ZNF438: variants seen among roughly 807,000 people sequenced by gnomAD.
ZNF438 encodes zinc finger protein 438.
Under a neutral mutation model 38.0 loss-of-function variants are expected in ZNF438, and 25 were observed. The observed-to-expected ratio is 0.66, with a 90% CI of 0.48 to 0.92. ZNF438 has a LOEUF of 0.92. Ranked by LOEUF, ZNF438 falls within the 40% of genes least tolerant of loss-of-function variation. The probability of loss-of-function intolerance (pLI) is 0.00; values close to 1 mark genes in which losing one functional copy is unlikely to be tolerated. For missense variants in ZNF438, 1,007 were observed against 999.6 expected (o/e 1.01, Z -0.10); for synonymous variants, 372 against 364.1 (o/e 1.02, Z -0.25).
At chr10:30,907,061 G>A (rs2042652610) in intron 3 of ZNF438, among the ~76,000 whole-genome samples, 1 of 152,156 alleles carries the variant, frequency 6.6e-6, no homozygotes, top group African/African-American at 2.4e-5. Context: ...TGCAACCTCC[G>A]TCTCCTGGGT....
At chr10:30,930,825 A>AAAAAAAAAAAAAAAAAAAAAAAAAC (rs2045592210) in intron 2 of ZNF438, among the ~76,000 whole-genome samples, 1 of 117,756 alleles carries the variant, frequency 8.5e-6, no homozygotes, top group Non-Finnish European at 1.8e-5. Flanking sequence ...AAAAAAAAAA[A>AAAAAAAAAAAAAAAAAAAAAAAAAC]AAAAAAAAAG....
chr10:31,031,001 C>A (rs2057256671), intron 1 of ZNF438, among the ~76,000 whole-genome samples: 1 of 152,212 alleles, frequency 6.6e-6, no homozygotes, highest in African/African-American at 2.4e-5. Flanking sequence ...ATTGTAATTG[C>A]CAAGAGTACC....
intron 1 of ZNF438, among the ~76,000 whole-genome samples, chr10:30,991,612 A>G (rs2053507995): frequency 6.6e-6 from 1 of 152,230 alleles, no homozygotes; most frequent in Non-Finnish European, 1.5e-5. Flanking sequence ...GACTGGAGAC[A>G]GCAGCCCTTA....
chr10:31,031,370 A>C (rs1335234585), intron 1 of ZNF438, among the ~76,000 whole-genome samples: 2 of 152,144 alleles, frequency 1.3e-5, no homozygotes, highest in African/African-American at 4.8e-5. Flanking sequence ...TTATCTTATA[A>C]ATGTGTCCAC....
intron 1 of ZNF438, among the ~76,000 whole-genome samples, chr10:31,007,842 T>A (rs1311049979): frequency 6.6e-6 from 1 of 152,118 alleles, no homozygotes; most frequent in Non-Finnish European, 1.5e-5. Flanking sequence ...GTTCTAGAAT[T>A]TACTCAATGC....
At chr10:30,851,163 G>A (rs1033664269) in intron 4 of ZNF438, among the ~76,000 whole-genome samples, 4 of 152,220 alleles carry the variant, frequency 2.6e-5, no homozygotes, top group Non-Finnish European at 4.4e-5. Context: ...GAGACAACAT[G>A]CAAAATATGT....
intron 4 of ZNF438, among the ~76,000 whole-genome samples, chr10:30,871,397 A>G (rs2037384935): frequency 6.6e-6 from 1 of 152,248 alleles, no homozygotes; most frequent in Non-Finnish European, 1.5e-5. Flanking sequence ...GAGAGTTTAA[A>G]GCATTTTATA....
chr10:30,976,178 A>G (rs1040189888), intron 1 of ZNF438, among the ~76,000 whole-genome samples: 1 of 152,218 alleles, frequency 6.6e-6, no homozygotes, highest in East Asian at 1.9e-4. Context: ...ACACAATGAA[A>G]ACAAGGAAGA....
intron 4 of ZNF438, among the ~76,000 whole-genome samples, chr10:30,852,140 G>GC (rs1046552366): frequency 4.0e-5 from 6 of 151,862 alleles, no homozygotes; most frequent in African/African-American, 1.5e-4. Flanking sequence ...TCCAGCCTGG[G>GC]CAACAGTCTG....
chr10:30,989,641 G>A (rs755681796), intron 1 of ZNF438, among the ~76,000 whole-genome samples: 1 of 152,180 alleles, frequency 6.6e-6, no homozygotes. Context: ...AAGGGGGCGA[G>A]AATGTATGCA....
intron 1 of ZNF438, among the ~76,000 whole-genome samples, chr10:31,004,074 T>G (rs1003171914): frequency 6.6e-6 from 1 of 152,162 alleles, no homozygotes; most frequent in Admixed American, 6.5e-5. Flanking sequence ...GGTGATTTTA[T>G]GCACCCAGGA....
chr10:30,882,125 C>T (rs201836631), intron 3 of ZNF438, among the ~76,000 whole-genome samples: 4 of 150,988 alleles, frequency 2.6e-5, no homozygotes, highest in Non-Finnish European at 5.9e-5. Context: ...AATGAAAAGA[C>T]GAGCCATAAA....
At position 30,845,582 on chromosome 10, in the gene ZNF438, G is replaced by A. The variant is rs748317867; in HGVS notation, c.1875-9C>T. 6.2e-7 allele frequency: 1 copy of A among 1,601,056 alleles called. No homozygotes were observed. Among genetic ancestry groups the A allele is most frequent in the African/African-American group, 1.3e-5 (1 of 74,276 alleles). On this transcript the variant is annotated splice_polypyrimidine_tract_variant and intron_variant, in intron 5 of 5. Coordinates refer to ENST00000413025, the Ensembl canonical transcript of ZNF438. The stretch of plus-strand genomic sequence containing the variant: ...GGTTGGACTTGTTTTCCCTGAAAAG[G>A]CCAATAATAATGAAGATAAGATTTC...
At chr10:30,869,360 G>A (rs1205073843) in intron 4 of ZNF438, among the ~76,000 whole-genome samples, 1 of 149,244 alleles carries the variant, frequency 6.7e-6, no homozygotes, top group Admixed American at 6.8e-5. Context: ...GACAACAAGA[G>A]CTAAACTCCG....
chr10:30,928,869 GA>G (rs1261027382), intron 2 of ZNF438, among the ~76,000 whole-genome samples: 1 of 152,130 alleles, frequency 6.6e-6, no homozygotes, highest in Non-Finnish European at 1.5e-5. Flanking sequence ...ACTTTCAGCT[GA>G]ACATCTGTTT....
chr10:30,932,296 G>C (rs139819043), intron 2 of ZNF438, among the ~76,000 whole-genome samples: 137 of 151,690 alleles, frequency 9.0e-4, no homozygotes, highest in African/African-American at 3.1e-3. Flanking sequence ...TACTATCCCT[G>C]GTTTTTCCAT....
intron 3 of ZNF438, among the ~76,000 whole-genome samples, chr10:30,890,737 T>C (rs1266671820): frequency 6.6e-6 from 1 of 152,264 alleles, no homozygotes; most frequent in Non-Finnish European, 1.5e-5. Context: ...GAAAATGCAA[T>C]CATGTCCTCT....
At chr10:30,856,092 TA>T (rs2034579443) in intron 4 of ZNF438, among the ~76,000 whole-genome samples, 1 of 152,210 alleles carries the variant, frequency 6.6e-6, no homozygotes, top group African/African-American at 2.4e-5. Context: ...TGTCTATGCA[TA>T]AATGACTGTC....
intron 1 of ZNF438, among the ~76,000 whole-genome samples, chr10:30,987,776 C>T (rs1227185616): frequency 6.6e-6 from 1 of 152,064 alleles, no homozygotes; most frequent in African/African-American, 2.4e-5. Context: ...AACCAAGAAG[C>T]AGGCCCTCAC....
Sources: gnomAD v4.1 joint callset for allele counts (sites outside exome capture counted in the v4.1 genomes callset) on GRCh38, gnomAD v4.1.1 for gene constraint, MANE v1.5 for transcripts, NCBI Gene and HGNC (gene_info 2026-07-23, HGNC 2026-07-21) for gene names.